Variants in TUSC3 observed in about 807,000 individuals in gnomAD.
The protein encoded by TUSC3 is dolichyl-diphosphooligosaccharide--protein glycosyltransferase subunit TUSC3.
A neutral mutation model predicts 44.8 loss-of-function variants in TUSC3; 45 were observed. That is an observed-to-expected ratio of 1.00 (90% CI 0.79 to 1.29). TUSC3 has a LOEUF of 1.29. TUSC3 is among the 50% of genes most tolerant of loss of function. TUSC3 has a pLI of 0.00. For missense variants in TUSC3, 519 were observed against 437.9 expected, an observed-to-expected ratio of 1.19 and a Z score of -1.65; for synonymous variants, 212 against 152.9, an observed-to-expected ratio of 1.39 and a Z score of -2.85.
chr8:15,719,477 C>G (rs1327691493), intron 6 of TUSC3, among the ~76,000 whole-genome samples: 1 of 149,976 alleles, frequency 6.7e-6, no homozygotes, highest in Admixed American at 6.8e-5. Flanking sequence ...GCACTTTGCA[C>G]TTATAGTATA....
At chr8:15,752,071 A>G (rs1435087843) in intron 9 of TUSC3, among the ~76,000 whole-genome samples, 2 of 152,186 alleles carry the variant, frequency 1.3e-5, no homozygotes, top group Non-Finnish European at 1.5e-5. Context: ...GAATAACAAT[A>G]TAAAGTGTCA....
At chr8:15,750,239 A>G (rs1264771465) in intron 9 of TUSC3, among the ~76,000 whole-genome samples, 1 of 152,036 alleles carries the variant, frequency 6.6e-6, no homozygotes, top group African/African-American at 2.4e-5. Flanking sequence ...TCGGCCTCCC[A>G]AAGTGCTGGG....
chr8:15,767,723 C>T (rs1812368594), downstream of TUSC3, among the ~76,000 whole-genome samples: 1 of 152,030 alleles, frequency 6.6e-6, no homozygotes, highest in African/African-American at 2.4e-5. Context: ...TAGGGTCTTG[C>T]CTTCGGTTGA....
At chr8:15,641,012 G>A (rs78857600) in intron 2 of TUSC3, among the ~76,000 whole-genome samples, 3,478 of 152,136 alleles carry the variant, frequency 0.023, 128 homozygotes, top group African/African-American at 0.077. Flanking sequence ...TCTTTGCCAT[G>A]TATACTGAGT....
the TUSC3 span, among the ~76,000 whole-genome samples, chr8:15,809,357 G>T: frequency 6.6e-6 from 1 of 152,162 alleles, no homozygotes. Context: ...TTTTGTGTAT[G>T]ATCTCACTGC....
chr8:15,772,582 A>T, the TUSC3 span, among the ~76,000 whole-genome samples: 1 of 152,226 alleles, frequency 6.6e-6, no homozygotes, highest in African/African-American at 2.4e-5. Flanking sequence ...AGTTACACCA[A>T]ATATTTAAAG....
At chr8:15,547,042 A>G (rs1445604296) in intron 1 of TUSC3, among the ~76,000 whole-genome samples, 1 of 151,738 alleles carries the variant, frequency 6.6e-6, no homozygotes, top group African/African-American at 2.4e-5. Context: ...TTAAAAATAT[A>G]GTGAATTATT....
intron 1 of TUSC3, among the ~76,000 whole-genome samples, chr8:15,569,296 T>C (rs957576236): frequency 6.6e-6 from 1 of 152,186 alleles, no homozygotes; most frequent in African/African-American, 2.4e-5. Context: ...ATAGTTTTTC[T>C]TGCTACTTGC....
chr8:15,544,595 A>G (rs576875586), intron 1 of TUSC3, among the ~76,000 whole-genome samples: 4 of 151,914 alleles, frequency 2.6e-5, no homozygotes, highest in African/African-American at 4.8e-5. Context: ...AGTACATTTT[A>G]TATTGGGATG....
chr8:15,605,170 T>G (rs891910665), intron 1 of TUSC3, among the ~76,000 whole-genome samples: 20 of 151,466 alleles, frequency 1.3e-4, no homozygotes, highest in Admixed American at 8.6e-4. Context: ...TCCAAAAGAG[T>G]AGAATCAATC....
chr8:15,815,608 G>A, the TUSC3 span, among the ~76,000 whole-genome samples: 2 of 152,114 alleles, frequency 1.3e-5, no homozygotes, highest in East Asian at 3.9e-4. Context: ...ATCTGTCAGC[G>A]ATCTCTGCAG....
At chr8:15,609,295 A>G (rs1287476799) in intron 1 of TUSC3, among the ~76,000 whole-genome samples, 2 of 152,158 alleles carry the variant, frequency 1.3e-5, no homozygotes, top group Non-Finnish European at 2.9e-5. Context: ...GCAGTGCAAG[A>G]TAATTTTATG....
chr8:15,524,033 C>T (rs1418955027), intron 2 of TUSC3, among the ~76,000 whole-genome samples: 3 of 136,722 alleles, frequency 2.2e-5, no homozygotes, highest in Non-Finnish European at 4.6e-5. Context: ...TCCAGCTTGG[C>T]AACAGACAGA....
At chr8:15,739,723 T>C (rs1422223048) in intron 7 of TUSC3, among the ~76,000 whole-genome samples, 1 of 152,238 alleles carries the variant, frequency 6.6e-6, no homozygotes, top group Non-Finnish European at 1.5e-5. Flanking sequence ...AGAAGATTTT[T>C]ATTCTTAGCC....
the TUSC3 span, among the ~76,000 whole-genome samples, chr8:15,845,121 G>A: frequency 6.6e-6 from 1 of 152,128 alleles, no homozygotes; most frequent in East Asian, 1.9e-4. Flanking sequence ...AAAATCATAA[G>A]TTAGAACAAG....
intron 6 of TUSC3, among the ~76,000 whole-genome samples, chr8:15,677,398 C>G (rs190280476): frequency 6.6e-6 from 1 of 152,348 alleles, no homozygotes; most frequent in African/African-American, 2.4e-5. Flanking sequence ...AGTAAAGACT[C>G]TGGCTCACAG....
At chr8:15,535,717 T>C (rs1353190295), upstream of TUSC3, among the ~76,000 whole-genome samples, 1 of 151,984 alleles carries the variant, frequency 6.6e-6, no homozygotes, top group Non-Finnish European at 1.5e-5. Flanking sequence ...AATGAAACAA[T>C]AGCATGTCAG....
intron 1 of TUSC3, among the ~76,000 whole-genome samples, chr8:15,427,075 G>GTTTTTTTTTTTTTTTTTTTT (rs367932724): frequency 1.4e-5 from 2 of 145,956 alleles, no homozygotes; most frequent in Non-Finnish European, 1.5e-5. Flanking sequence ...GTTGTTTGGT[G>GTTTTTTTTTTTTTTTTTTTT]TTTGTTTTTT....
intron 2 of TUSC3, among the ~76,000 whole-genome samples, chr8:15,487,169 T>G (rs1585062715): frequency 6.6e-6 from 1 of 152,228 alleles, no homozygotes; most frequent in East Asian, 1.9e-4. Context: ...TTTAATGATT[T>G]TAGTTCTTTA....
Sources: allele counts gnomAD v4.1 joint callset (sites outside exome capture counted in the v4.1 genomes callset), GRCh38; gene constraint gnomAD v4.1.1; transcripts MANE v1.5; gene names NCBI Gene and HGNC (gene_info 2026-07-23, HGNC 2026-07-21).